The following AFAP1L1 variants were observed in gnomAD, a reference collection of about 807,000 sequenced individuals.
AFAP1L1 encodes actin filament associated protein 1 like 1, also known as actin filament-associated protein 1-like 1.
AFAP1L1 carries 77 observed loss-of-function variants against 99.8 expected under a neutral mutation model. That is an observed-to-expected ratio of 0.77 (90% confidence interval 0.64 to 0.93). AFAP1L1 has a LOEUF of 0.93. Among genes scored for constraint, AFAP1L1 ranks in the 40% least tolerant of loss-of-function variants. AFAP1L1 has a pLI of 0.00. For synonymous variants in AFAP1L1, 373 were observed against 395.3 expected, an observed-to-expected ratio of 0.94 and a Z score of 0.67; for missense variants, 893 against 996.8, an observed-to-expected ratio of 0.90 and a Z score of 1.40.
chr5:149,300,452 G>T, intron 3 of AFAP1L1, 98 bp downstream of exon 3: 1 of 1,049,276 alleles, frequency 9.5e-7, no homozygotes, highest in Non-Finnish European at 1.4e-6. Flanking sequence ...CTCTAACATC[G>T]CATCATTAAG....
At chr5:149,288,354 G>A (rs775565570) in intron 1 of AFAP1L1, among the ~76,000 whole-genome samples, 27 of 152,164 alleles carry the variant, frequency 1.8e-4, no homozygotes, top group Non-Finnish European at 4.0e-4. Context: ...ATGTGTAAAC[G>A]CAGGCAAAAA....
chr5:149,302,386 C>T, intron 4 of AFAP1L1, 32 bp from the exon 5 acceptor site: 1 of 1,525,782 alleles, frequency 6.6e-7, no homozygotes, highest in Non-Finnish European at 8.9e-7. Flanking sequence ...CCCTGCTCCG[C>T]TCCCCTAGCC....
chr5:149,275,470 T>TTCC (rs1267852944), intron 1 of AFAP1L1, among the ~76,000 whole-genome samples: 1 of 150,758 alleles, frequency 6.6e-6, no homozygotes, highest in East Asian at 1.9e-4. Context: ...CCTCTTCCTC[T>TTCC]TCTTCTTCTT....
chr5:149,301,763 A>T (rs576305767), intron 4 of AFAP1L1, among the ~76,000 whole-genome samples: 28 of 152,362 alleles, frequency 1.8e-4, no homozygotes, highest in African/African-American at 6.5e-4. Context: ...CAAGGGGCTC[A>T]TAATCACAAC....
chr5:149,311,512 G>A (rs1391347197), intron 8 of AFAP1L1, among the ~76,000 whole-genome samples: 1 of 152,212 alleles, frequency 6.6e-6, no homozygotes, highest in Non-Finnish European at 1.5e-5. Context: ...CAAGGCTGGT[G>A]GGGGATAAAA....
At chr5:149,328,982 T>C (rs749204731) in intron 15 of AFAP1L1, among the ~76,000 whole-genome samples, 80 of 152,134 alleles carry the variant, frequency 5.3e-4, no homozygotes, top group Non-Finnish European at 9.7e-4. Flanking sequence ...GGTTCCTCGC[T>C]CCCCCAACCC....
chr5:149,315,026 G>A (rs1756754359), intron 9 of AFAP1L1, among the ~76,000 whole-genome samples: 1 of 152,240 alleles, frequency 6.6e-6, no homozygotes. Context: ...GCCTTGGGGA[G>A]ACAGAAGGAC....
chr5:149,338,556 T>C (rs765509997), intron 18 of AFAP1L1, among the ~76,000 whole-genome samples: 1 of 152,214 alleles, frequency 6.6e-6, no homozygotes, highest in Non-Finnish European at 1.5e-5. Context: ...GTCTTTATTC[T>C]TTCCTACAGT....
rs143469666 is a variant in AFAP1L1 at position 149,334,872 on chromosome 5, C to T, written c.2155-722C>T. 4.5e-4 allele frequency among the ~76,000 whole-genome samples: 68 copies of T among 151,648 alleles called. 1 individual carries two copies. The highest frequency in any genetic ancestry group is 1.6e-3 in the African/African-American group (65 of 41,352). On this transcript the variant is annotated intron_variant, in intron 17 of 18. Coordinates refer to ENST00000296721, the MANE Select transcript of AFAP1L1 (RefSeq NM_152406.4). ...CCAGCCTTGGCAAGAGAGCAAGACT[C>T]TGTCTTACAAAAAAAAAAGAAAGAA...
At chr5:149,283,857 T>C (rs1755597218) in intron 1 of AFAP1L1, among the ~76,000 whole-genome samples, 1 of 152,172 alleles carries the variant, frequency 6.6e-6, no homozygotes, top group South Asian at 2.1e-4. Flanking sequence ...TGATGGCCTT[T>C]CCTCACCTCC....
chr5:149,277,573 A>G (rs1256643901), intron 1 of AFAP1L1, among the ~76,000 whole-genome samples: 1 of 152,146 alleles, frequency 6.6e-6, no homozygotes, highest in African/African-American at 2.4e-5. Flanking sequence ...TACTCCTTCT[A>G]TGGTAATGGT....
intron 17 of AFAP1L1, among the ~76,000 whole-genome samples, chr5:149,334,640 G>A (rs1757351288): frequency 6.6e-6 from 1 of 152,182 alleles, no homozygotes. Context: ...GGCCAGGCAT[G>A]GTAACTCATG....
intron 7 of AFAP1L1, among the ~76,000 whole-genome samples, chr5:149,308,413 T>C (rs1424787282): frequency 6.6e-6 from 1 of 152,234 alleles, no homozygotes; most frequent in Non-Finnish European, 1.5e-5. Context: ...ATCTGTCTTT[T>C]ATAAAACGAA....
chr5:149,290,087 G>A (rs1456222961), intron 1 of AFAP1L1, among the ~76,000 whole-genome samples: 1 of 152,150 alleles, frequency 6.6e-6, no homozygotes, highest in East Asian at 1.9e-4. Context: ...CAAAAAATTA[G>A]CCGGGCGTGG....
intron 1 of AFAP1L1, among the ~76,000 whole-genome samples, chr5:149,288,969 T>C (rs979398870): frequency 7.2e-5 from 11 of 152,190 alleles, no homozygotes; most frequent in African/African-American, 2.7e-4. Flanking sequence ...ATGACCACCC[T>C]GTCTTCCTGA....
chr5:149,329,102 G>A (rs352337), intron 15 of AFAP1L1, among the ~76,000 whole-genome samples: 16,541 of 152,108 alleles, frequency 0.11, 1,240 homozygotes, highest in Non-Finnish European at 0.16. Flanking sequence ...TCTGAAAACT[G>A]ACTATAAAAT....
At chr5:149,311,677 T>A (rs919722778) in intron 8 of AFAP1L1, among the ~76,000 whole-genome samples, 2 of 152,174 alleles carry the variant, frequency 1.3e-5, no homozygotes, top group Non-Finnish European at 2.9e-5. Flanking sequence ...CAGGTTGCTG[T>A]AAAGGTGCAC....
At chr5:149,276,959 A>G (rs1192102655) in intron 1 of AFAP1L1, among the ~76,000 whole-genome samples, 3 of 152,222 alleles carry the variant, frequency 2.0e-5, no homozygotes, top group African/African-American at 7.2e-5. Flanking sequence ...TTTCTGTTAT[A>G]TAGTCTCTCT....
intron 5 of AFAP1L1, among the ~76,000 whole-genome samples, chr5:149,304,650 G>A (rs951170607): frequency 2.0e-5 from 3 of 152,270 alleles, no homozygotes; most frequent in African/African-American, 4.8e-5. Flanking sequence ...CCTTCCTCTC[G>A]CTCACAGCGT....
Sources: allele counts gnomAD v4.1 joint callset (sites outside exome capture counted in the v4.1 genomes callset), GRCh38; gene constraint gnomAD v4.1.1; transcripts MANE v1.5; gene names NCBI Gene and HGNC (gene_info 2026-07-23, HGNC 2026-07-21).